The following WIPF3 variants were observed in gnomAD, a reference collection of about 807,000 sequenced individuals.
The protein encoded by WIPF3 is WAS/WASL interacting protein family member 3.
Under a neutral mutation model 38.9 loss-of-function variants are expected in WIPF3, and 33 were observed. The observed-to-expected ratio is 0.85, with a 90% CI of 0.64 to 1.14. The LOEUF is 1.14. Among genes scored for constraint, WIPF3 ranks in the 50% most tolerant of loss-of-function variants. The pLI, the probability that WIPF3 is intolerant of heterozygous loss-of-function variation, is 0.00. For synonymous variants in WIPF3, 324 were observed against 269.3 expected (o/e 1.20, Z -1.99); for missense variants, 711 against 652.5 (o/e 1.09, Z -0.98).
At chr7:29,825,117 G>A (rs1321754185) in intron 1 of WIPF3, among the ~76,000 whole-genome samples, 1 of 152,088 alleles carries the variant, frequency 6.6e-6, no homozygotes, top group African/African-American at 2.4e-5. Flanking sequence ...ATAAAATCTA[G>A]CATCATAACA....
At chr7:29,860,713 G>A (rs973125469) in intron 2 of WIPF3, among the ~76,000 whole-genome samples, 17 of 152,218 alleles carry the variant, frequency 1.1e-4, no homozygotes, top group Non-Finnish European at 2.1e-4. Context: ...TGGGTGAGAA[G>A]TAAAGAGAGT....
chr7:29,872,484 T>G (rs1409093681), intron 2 of WIPF3, among the ~76,000 whole-genome samples: 1 of 152,098 alleles, frequency 6.6e-6, no homozygotes, highest in Non-Finnish European at 1.5e-5. Flanking sequence ...AGGAGAGGAT[T>G]GGCGAACACT....
chr7:29,833,450 G>C lies in WIPF3; in HGVS notation c.-57-1218G>C, dbSNP rs375284344. ...CCTTTTCTTTATCTATAAAAATGGGGATGCTAGGGCGTTGAAGCCCTGACC... is the reference window on the plus strand; with the variant it reads ...CCTTTTCTTTATCTATAAAAATGGGCATGCTAGGGCGTTGAAGCCCTGACC... On this transcript the variant is annotated intron_variant, in intron 1 of 8. Transcript: ENST00000242140. Among the ~76,000 whole-genome samples the C allele has an allele frequency of 1.6e-4, 25 of 152,332 alleles. 1 individual carries two copies. In the East Asian group the frequency reaches 4.6e-3, roughly 28 times the overall value.
At chr7:29,906,538 G>A (rs78720377) in intron 8 of WIPF3, among the ~76,000 whole-genome samples, 3,044 of 152,176 alleles carry the variant, frequency 0.02, 32 homozygotes, top group South Asian at 0.058. Flanking sequence ...GAGACCTGTG[G>A]GAGACCATCT....
At chr7:29,834,890 G>A in intron 2 of WIPF3, 76 bp downstream of exon 2, 1 of 1,470,614 alleles carries the variant, frequency 6.8e-7, no homozygotes, top group South Asian at 1.2e-5. Flanking sequence ...GGTTTTAAAT[G>A]TTCAGAAGTA....
chr7:29,851,909 G>T (rs1026380024), intron 2 of WIPF3, among the ~76,000 whole-genome samples: 2 of 152,194 alleles, frequency 1.3e-5, no homozygotes, highest in African/African-American at 4.8e-5. Context: ...TGTTGCTTTT[G>T]TTTCATTTAA....
chr7:29,831,989 T>C (rs1784730369), intron 1 of WIPF3, among the ~76,000 whole-genome samples: 1 of 152,164 alleles, frequency 6.6e-6, no homozygotes, highest in Non-Finnish European at 1.5e-5. Context: ...ATACAGTTAT[T>C]TTTTCTTAGG....
At chr7:29,866,683 T>G (rs1316814943) in intron 2 of WIPF3, among the ~76,000 whole-genome samples, 1 of 152,272 alleles carries the variant, frequency 6.6e-6, no homozygotes, top group African/African-American at 2.4e-5. Context: ...TTAGCTCCTT[T>G]GGCCCCAGCC....
chr7:29,899,020 G>C lies in WIPF3; in HGVS notation c.1352-5266G>C, dbSNP rs114502183. ...TGGTTCTGGAGGCTGAGAAGTCCAAGATCAAGGTGCTGGTCAATTTAGTTT... is the reference window on the plus strand; with the variant it reads ...TGGTTCTGGAGGCTGAGAAGTCCAACATCAAGGTGCTGGTCAATTTAGTTT... On this transcript the variant is annotated intron_variant, in intron 7 of 8. Coordinates refer to ENST00000242140, the MANE Select transcript of WIPF3 (RefSeq NM_001080529.3). 4.4e-3 allele frequency among the ~76,000 whole-genome samples: 665 copies of C among 152,244 alleles called. 5 individuals are homozygous for C. The highest frequency in any genetic ancestry group is 0.016 in the African/African-American group (648 of 41,542).
chr7:29,832,740 A>G (rs1425355993), intron 1 of WIPF3, among the ~76,000 whole-genome samples: 1 of 152,242 alleles, frequency 6.6e-6, no homozygotes, highest in Non-Finnish European at 1.5e-5. Context: ...CACATATTTT[A>G]CGCCATTTTC....
At position 29,844,718 on chromosome 7, in the gene WIPF3, G is replaced by A. The variant is rs529511474; in HGVS notation, c.90+9904G>A. ...GACCTTTGCATTGGCCTGTGGACTA[G>A]CACATAGTAATTGAGTTATTCTTCA... On this transcript the variant is annotated intron_variant, in intron 2 of 8. Transcript: ENST00000242140. The surrounding 1 kb of genome is among the most constrained non-coding windows in gnomAD (Gnocchi z 4.8). 2.6e-5 allele frequency among the ~76,000 whole-genome samples: 4 copies of A among 152,314 alleles called. No homozygotes were observed. Among genetic ancestry groups the A allele is most frequent in the South Asian group, 2.1e-4 (1 of 4,826 alleles).
At chr7:29,869,137 C>G (rs907249169) in intron 2 of WIPF3, among the ~76,000 whole-genome samples, 10 of 151,866 alleles carry the variant, frequency 6.6e-5, no homozygotes, top group African/African-American at 2.4e-4. Context: ...TCAAGAGATT[C>G]TCCTGCCTCA....
intron 1 of WIPF3, among the ~76,000 whole-genome samples, chr7:29,829,904 C>T (rs1784689671): frequency 6.6e-6 from 1 of 152,172 alleles, no homozygotes; most frequent in East Asian, 1.9e-4. Context: ...AGTATAAAAG[C>T]CTTTGAGAAT....
intron 1 of WIPF3, among the ~76,000 whole-genome samples, chr7:29,807,183 A>G (rs1027868542): frequency 1.3e-5 from 2 of 152,086 alleles, no homozygotes; most frequent in Non-Finnish European, 2.9e-5. Flanking sequence ...GGCTTGGGGA[A>G]TACAGAAGGA....
chr7:29,866,604 A>T (rs966469527), intron 2 of WIPF3, among the ~76,000 whole-genome samples: 1 of 152,244 alleles, frequency 6.6e-6, no homozygotes, highest in African/African-American at 2.4e-5. Context: ...TAATGCACTC[A>T]TCAGGCTCTT....
chr7:29,866,101 G>A (rs1408851636), intron 2 of WIPF3, among the ~76,000 whole-genome samples: 1 of 152,154 alleles, frequency 6.6e-6, no homozygotes, highest in Non-Finnish European at 1.5e-5. Flanking sequence ...GGAGGTTGCG[G>A]TAAACCAAAG....
intron 1 of WIPF3, among the ~76,000 whole-genome samples, chr7:29,826,030 CA>C (rs1221607006): frequency 2.0e-5 from 3 of 152,102 alleles, no homozygotes; most frequent in African/African-American, 7.2e-5. Flanking sequence ...ATTCCAAGTA[CA>C]GTAGCATTTG....
At chr7:29,903,294 A>G (rs905189113) in intron 7 of WIPF3, among the ~76,000 whole-genome samples, 16 of 152,166 alleles carry the variant, frequency 1.1e-4, no homozygotes, top group African/African-American at 3.4e-4. Context: ...ACCTTGTCTA[A>G]AAAATAAAAT....
At chr7:29,901,825 CAAA>C (rs869296187) in intron 7 of WIPF3, among the ~76,000 whole-genome samples, 1 of 82,594 alleles carries the variant, frequency 1.2e-5, no homozygotes, top group African/African-American at 5.9e-5. Flanking sequence ...GTCCCTGTCT[CAAA>C]AAAAAAAAAA....
Sources: allele counts gnomAD v4.1 joint callset (sites outside exome capture counted in the v4.1 genomes callset), GRCh38; gene constraint gnomAD v4.1.1; non-coding constraint Gnocchi (gnomAD v3.1); transcripts MANE v1.5; gene names NCBI Gene and HGNC (gene_info 2026-07-23, HGNC 2026-07-21).